Variants in HIVEP3 observed in about 807,000 individuals in gnomAD.
The protein encoded by HIVEP3 is transcription factor HIVEP3.
In HIVEP3, 49 loss-of-function variants were observed where a neutral mutation model predicts 152.8. The observed-to-expected ratio is 0.32, with a 90% CI of 0.26 to 0.41. The LOEUF is 0.41. HIVEP3 is among the 10% of genes least tolerant of loss of function. The probability of loss-of-function intolerance (pLI) is 1.00; values close to 1 mark genes in which losing one functional copy is unlikely to be tolerated. For missense variants in HIVEP3, 2,790 were observed against 3,103.3 expected, an observed-to-expected ratio of 0.90 and a Z score of 2.40; for synonymous variants, 1,269 against 1,289.0, an observed-to-expected ratio of 0.98 and a Z score of 0.33.
rs561602977 is a variant in HIVEP3, at chr1:41,933,873, G to A, written n.120-15349C>T. 3.3e-5 allele frequency among the ~76,000 whole-genome samples: 5 copies of A among 152,134 alleles called. No homozygotes were observed. In the East Asian group the frequency reaches 7.7e-4, roughly 24 times the overall value. ...GTCCTGAAGCAGCAGCCTTCCCAGT[G>A]ATCCCATCCCTCCCCTGCTTCACTT... On this transcript the variant is annotated intron_variant and non_coding_transcript_variant, in intron 1 of 3. Coordinates refer to the HIVEP3 transcript ENST00000489103.
At chr1:41,957,020 A>G (rs186538970) in intron 1 of HIVEP3, among the ~76,000 whole-genome samples, 8 of 152,330 alleles carry the variant, frequency 5.3e-5, no homozygotes, top group African/African-American at 1.7e-4. Context: ...ATATGTATGC[A>G]TATATTTGGA....
At chr1:41,879,848 T>C (rs1209227517) in intron 1 of HIVEP3, among the ~76,000 whole-genome samples, 2 of 152,192 alleles carry the variant, frequency 1.3e-5, no homozygotes, top group African/African-American at 2.4e-5. Flanking sequence ...AGTCACAGCC[T>C]AGGTAGTTAC....
At chr1:41,516,900 G>A (rs1642623280) in intron 7 of HIVEP3, among the ~76,000 whole-genome samples, 1 of 152,246 alleles carries the variant, frequency 6.6e-6, no homozygotes, top group East Asian at 1.9e-4. Flanking sequence ...TGGCTCTTCT[G>A]CTTTCTCTTT....
rs77339430 is a variant in HIVEP3 at position 41,799,396 on chromosome 1, C to T, written c.-800-98401G>A. Among the ~76,000 whole-genome samples, 826 of 152,300 alleles carry T rather than the reference C, an allele frequency of 5.4e-3. 9 individuals carry two copies. The highest frequency in any genetic ancestry group is 0.019 in the African/African-American group (783 of 41,544). The stretch of plus-strand genomic sequence containing the variant: ...TCAAACTTCAGTGCCTTTGCATATG[C>T]TATTCCACCAGCCTAGAATGCTGTT... On this transcript the variant is annotated intron_variant, in intron 1 of 8. Transcript: ENST00000372583.
intron 1 of HIVEP3, among the ~76,000 whole-genome samples, chr1:41,826,191 T>C (rs1292318071): frequency 6.6e-6 from 1 of 152,208 alleles, no homozygotes; most frequent in African/African-American, 2.4e-5. Flanking sequence ...CTATTGCTCA[T>C]TAACCGATAT....
At chr1:41,561,550 T>A (rs1434827931) in intron 5 of HIVEP3, among the ~76,000 whole-genome samples, 1 of 151,888 alleles carries the variant, frequency 6.6e-6, no homozygotes, top group Non-Finnish European at 1.5e-5. Flanking sequence ...GGTATCACTG[T>A]CACCCAGGCT....
At chr1:41,786,706 A>C (rs987531790) in intron 1 of HIVEP3, among the ~76,000 whole-genome samples, 3 of 152,050 alleles carry the variant, frequency 2.0e-5, no homozygotes, top group Admixed American at 6.6e-5. Flanking sequence ...TTCTAGGCCA[A>C]CACTGTCCAA....
intron 1 of HIVEP3, among the ~76,000 whole-genome samples, chr1:41,818,261 A>C (rs1250797560): frequency 6.6e-6 from 1 of 152,194 alleles, no homozygotes; most frequent in Non-Finnish European, 1.5e-5. Context: ...AACTAAACAC[A>C]ACAAAATACT....
chr1:41,737,202 T>A lies in HIVEP3; in HGVS notation c.-800-36207A>T, dbSNP rs139526125. ...ACAAGCTACGTGGGCTCAGAAAAGCTGCTTAACGTATCTCAGCCTGGTTTC... is the reference window on the plus strand; with the variant it reads ...ACAAGCTACGTGGGCTCAGAAAAGCAGCTTAACGTATCTCAGCCTGGTTTC... On this transcript the variant is annotated intron_variant, in intron 1 of 8. Coordinates refer to ENST00000372583, the MANE Select transcript of HIVEP3 (RefSeq NM_024503.5). Among the ~76,000 whole-genome samples, 44 of 152,288 alleles carry A rather than the reference T, an allele frequency of 2.9e-4. No homozygotes were observed. The East Asian group carries it at 4.8e-3, about 17-fold the overall frequency.
At chr1:41,527,909 C>G (rs551165083) in intron 5 of HIVEP3, among the ~76,000 whole-genome samples, 1 of 148,624 alleles carries the variant, frequency 6.7e-6, no homozygotes, top group Non-Finnish European at 1.5e-5. Context: ...CATGCTCACC[C>G]TCACACACAC....
At chr1:41,516,763 G>A (rs938993344) in intron 7 of HIVEP3, among the ~76,000 whole-genome samples, 1 of 152,224 alleles carries the variant, frequency 6.6e-6, no homozygotes, top group Non-Finnish European at 1.5e-5. Context: ...CACACCTGCT[G>A]CTCCCTCTGC....
chr1:41,583,306 C>T lies in HIVEP3; in HGVS notation c.1492G>A (p.Glu498Lys), dbSNP rs1347617751. Residue 498 changes from glutamate to lysine, a missense_variant, in exon 4 of 9, where the codon GAG (glutamate) becomes AAG (lysine). Physicochemically the swap from Glu to Lys is moderately conservative, Grantham distance 56. Coordinates refer to ENST00000372583, the MANE Select transcript of HIVEP3 (RefSeq NM_024503.5). The surrounding 1 kb of genome is among the most constrained non-coding windows in gnomAD (Gnocchi z 6.9). Reference protein sequence around the residue: ...RSSLSRRSSMESPKSSLYREP... With the variant: ...RSSLSRRSSMKSPKSSLYREP... Reference sequence around the variant, plus strand: ...CGGTAGAGGCTGGATTTTGGGGACTCCATGCTGCTGCGCCTGGACAGTGAG... The same window carrying T: ...CGGTAGAGGCTGGATTTTGGGGACTTCATGCTGCTGCGCCTGGACAGTGAG... 3.1e-6 allele frequency: 5 copies of T among 1,611,916 alleles called. No homozygotes were observed. Among genetic ancestry groups the T allele is most frequent in the Non-Finnish European group, 4.2e-6 (5 of 1,179,054 alleles).
At chr1:41,970,260 T>A (rs1297097519) in intron 1 of HIVEP3, among the ~76,000 whole-genome samples, 1 of 152,182 alleles carries the variant, frequency 6.6e-6, no homozygotes, top group Non-Finnish European at 1.5e-5. Flanking sequence ...GCAGCACTAT[T>A]ACAATAGCAA....
At chr1:41,699,649 C>T (rs551083821) in intron 2 of HIVEP3, among the ~76,000 whole-genome samples, 1 of 152,068 alleles carries the variant, frequency 6.6e-6, no homozygotes, top group Non-Finnish European at 1.5e-5. Flanking sequence ...CAGGATGGGG[C>T]CCCGGGGACC....
At chr1:41,598,206 G>T (rs574531277) in intron 3 of HIVEP3, among the ~76,000 whole-genome samples, 2 of 152,142 alleles carry the variant, frequency 1.3e-5, no homozygotes, top group Admixed American at 6.5e-5. Flanking sequence ...CATCAACACC[G>T]CCTAAGAGAG....
intron 1 of HIVEP3, among the ~76,000 whole-genome samples, chr1:41,834,937 G>A (rs1202139598): frequency 6.6e-6 from 1 of 152,152 alleles, no homozygotes; most frequent in Non-Finnish European, 1.5e-5. Context: ...GACCAGGAAT[G>A]ATGAGCTGAG....
Position 41,582,512 on chromosome 1 carries a change from T to G in HIVEP3, c.2286A>C (p.Lys762Asn), listed in dbSNP as rs754178581. The part of the protein sequence containing the change: ...ESTKSPAEPS[K>N]SVPSLEGPTG... ...TGGGTCCCTCCAAGGAGGGCACTGA[T>G]TTACTTGGTTCTGCTGGTGACTTGG... Residue 762 changes from lysine (K) to asparagine (N), a missense_variant, in exon 4 of 9, where the codon AAA becomes AAC. Physicochemically the swap from Lys to Asn is moderately conservative, Grantham distance 94 (BLOSUM62 0). This residue lies in a region of HIVEP3 where 339 missense variants were observed against 327.0 expected (regional missense o/e 1.04). Coordinates refer to ENST00000372583, the MANE Select transcript of HIVEP3 (RefSeq NM_024503.5). The surrounding 1 kb of genome is among the most constrained non-coding windows in gnomAD (Gnocchi z 4.7). 1 of 1,612,040 alleles carries G rather than the reference T, an allele frequency of 6.2e-7. No homozygotes were observed. The highest frequency in any genetic ancestry group is 1.7e-4 in the Middle Eastern group (1 of 6,052).
At chr1:41,579,709 A>T in intron 4 of HIVEP3, 28 bp downstream of exon 4, 1 of 1,524,158 alleles carries the variant, frequency 6.6e-7, no homozygotes, top group Non-Finnish European at 8.8e-7. Context: ...CAAATCAGTG[A>T]TGAGAAGAAA....
At chr1:41,608,306 G>A (rs1644850185) in intron 3 of HIVEP3, among the ~76,000 whole-genome samples, 2 of 152,172 alleles carry the variant, frequency 1.3e-5, no homozygotes, top group Non-Finnish European at 2.9e-5. Flanking sequence ...TCTCCATGGT[G>A]GGCATAATGC....
Sources: gnomAD v4.1 joint callset for allele counts (sites outside exome capture counted in the v4.1 genomes callset) on GRCh38, gnomAD v4.1.1 for gene constraint, gnomAD v4.1.1 regional missense constraint, Gnocchi (gnomAD v3.1) non-coding constraint, MANE v1.5 for transcripts, NCBI Gene and HGNC (gene_info 2026-07-23, HGNC 2026-07-21) for gene names.